Variants in KHDRBS2 observed in about 807,000 individuals in gnomAD.
KHDRBS2 encodes the protein KH domain-containing, RNA-binding, signal transduction-associated protein 2.
Under a neutral mutation model 44.3 loss-of-function variants are expected in KHDRBS2, and 26 were observed. That is an observed-to-expected ratio of 0.59 (90% confidence interval 0.43 to 0.81). The LOEUF is 0.81. Among genes scored for constraint, KHDRBS2 ranks in the 40% least tolerant of loss-of-function variants. The pLI is 0.00. For missense variants in KHDRBS2, 476 were observed against 433.1 expected, an observed-to-expected ratio of 1.10 and a Z score of -0.88; for synonymous variants, 194 against 151.1, an observed-to-expected ratio of 1.28 and a Z score of -2.08.
intron 1 of KHDRBS2, among the ~76,000 whole-genome samples, chr6:62,194,113 TA>T (rs1464683354): frequency 6.6e-6 from 1 of 152,144 alleles, no homozygotes; most frequent in Non-Finnish European, 1.5e-5. Flanking sequence ...CTTTGCCATT[TA>T]ACTTTCGTGT....
intron 1 of KHDRBS2, among the ~76,000 whole-genome samples, chr6:62,280,415 A>T (rs1841637909): frequency 6.6e-6 from 1 of 152,174 alleles, no homozygotes; most frequent in South Asian, 2.1e-4. Flanking sequence ...TGCCCAGAAG[A>T]CAAGGAAGAT....
the KHDRBS2 span, among the ~76,000 whole-genome samples, chr6:61,669,123 C>T: frequency 6.6e-6 from 1 of 151,108 alleles, no homozygotes; most frequent in African/African-American, 2.4e-5. Flanking sequence ...GCATAATATA[C>T]ATGATGATTA....
At chr6:61,893,652 A>C (rs1246603101) in intron 6 of KHDRBS2, among the ~76,000 whole-genome samples, 3 of 152,156 alleles carry the variant, frequency 2.0e-5, no homozygotes, top group African/African-American at 7.2e-5. Flanking sequence ...CGCAAAGACA[A>C]AAAACCAAAC....
intron 6 of KHDRBS2, among the ~76,000 whole-genome samples, chr6:61,781,199 A>G (rs189733597): frequency 1.3e-5 from 2 of 152,114 alleles, no homozygotes; most frequent in Non-Finnish European, 2.9e-5. Flanking sequence ...AAATGCCACA[A>G]TTATATTAAT....
At chr6:61,848,939 G>GA (rs1313276226) in intron 6 of KHDRBS2, among the ~76,000 whole-genome samples, 1 of 151,768 alleles carries the variant, frequency 6.6e-6, no homozygotes, top group Non-Finnish European at 1.5e-5. Context: ...TTCGTTGCCG[G>GA]AAAAATTATC....
At chr6:61,599,682 G>A in the KHDRBS2 span, among the ~76,000 whole-genome samples, 1 of 152,184 alleles carries the variant, frequency 6.6e-6, no homozygotes, top group African/African-American at 2.4e-5. Context: ...AACAAGGGTT[G>A]AGACAACAGA....
At chr6:61,889,064 G>C (rs1353760671) in intron 6 of KHDRBS2, among the ~76,000 whole-genome samples, 2 of 151,482 alleles carry the variant, frequency 1.3e-5, no homozygotes, top group African/African-American at 4.9e-5. Flanking sequence ...GACTTCAAAG[G>C]GTCCATAACT....
intron 1 of KHDRBS2, among the ~76,000 whole-genome samples, chr6:62,186,426 CAA>C (rs1440249582): frequency 3.9e-5 from 6 of 151,966 alleles, no homozygotes; most frequent in Admixed American, 6.6e-5. Context: ...TCATTAAAAC[CAA>C]ACATCGTGAC....
intron 2 of KHDRBS2, among the ~76,000 whole-genome samples, chr6:62,073,554 T>C (rs545147725): frequency 5.7e-4 from 86 of 150,538 alleles, no homozygotes; most frequent in African/African-American, 2.0e-3. Flanking sequence ...TTGTTTTATT[T>C]TCTATTTCCC....
At chr6:61,605,253 C>T in the KHDRBS2 span, among the ~76,000 whole-genome samples, 1 of 152,144 alleles carries the variant, frequency 6.6e-6, no homozygotes, top group Non-Finnish European at 1.5e-5. Context: ...GCCATCCCTA[C>T]TATTTTCTGT....
chr6:61,920,830 C>A (rs1421526782), intron 4 of KHDRBS2, among the ~76,000 whole-genome samples: 2 of 151,746 alleles, frequency 1.3e-5, no homozygotes, highest in African/African-American at 4.8e-5. Context: ...AAAATACTGA[C>A]TCAAGTGAAG....
chr6:61,552,770 T>C, the KHDRBS2 span, among the ~76,000 whole-genome samples: 1 of 152,136 alleles, frequency 6.6e-6, no homozygotes, highest in Non-Finnish European at 1.5e-5. Flanking sequence ...TGGTTTTTGT[T>C]TTCAATTCTG....
rs574318463 is a variant in KHDRBS2 at position 61,804,322 on chromosome 6, GGCCTTGGACA to G, written c.811-71568_811-71559del. The stretch of plus-strand genomic sequence containing the variant: ...GATGATGCAAGAGGTAGGTTCCCAT[GGCCTTGGACA>G]GCCCCATCCCTGTGGCTTTGCAGGG... On this transcript the variant is annotated intron_variant, in intron 6 of 8. Transcript: ENST00000281156. Among the ~76,000 whole-genome samples, 277 of 152,248 alleles carry G rather than the reference GGCCTTGGACA, an allele frequency of 1.8e-3. 1 individual carries two copies. The highest frequency in any genetic ancestry group is 6.2e-3 in the African/African-American group (257 of 41,558).
chr6:61,548,438 T>C, the KHDRBS2 span, among the ~76,000 whole-genome samples: 6 of 152,246 alleles, frequency 3.9e-5, no homozygotes, highest in South Asian at 1.0e-3. Flanking sequence ...AAGTCTAGGA[T>C]GAGGCCTGAG....
the KHDRBS2 span, among the ~76,000 whole-genome samples, chr6:61,673,098 T>C: frequency 6.6e-6 from 1 of 151,918 alleles, no homozygotes; most frequent in African/African-American, 2.4e-5. Flanking sequence ...ATTTATTAAA[T>C]AGGGAATCCT....
intron 7 of KHDRBS2, among the ~76,000 whole-genome samples, chr6:61,720,767 A>C (rs1772333062): frequency 6.6e-6 from 1 of 151,614 alleles, no homozygotes; most frequent in Non-Finnish European, 1.5e-5. Context: ...TGCTGTGCAG[A>C]AGCTCTTTAG....
intron 2 of KHDRBS2, among the ~76,000 whole-genome samples, chr6:62,071,176 T>C (rs982451850): frequency 5.3e-5 from 8 of 152,176 alleles, no homozygotes; most frequent in African/African-American, 1.9e-4. Context: ...CGCCCACTTG[T>C]TGATGGGGTT....
At chr6:61,649,834 GTCT>G in the KHDRBS2 span, among the ~76,000 whole-genome samples, 10 of 152,096 alleles carry the variant, frequency 6.6e-5, no homozygotes, top group African/African-American at 2.4e-4. Context: ...CTGCTAGATT[GTCT>G]TCTTATTTTG....
At chr6:61,721,079 A>C (rs1326343116) in intron 7 of KHDRBS2, among the ~76,000 whole-genome samples, 1 of 151,764 alleles carries the variant, frequency 6.6e-6, no homozygotes, top group Non-Finnish European at 1.5e-5. Flanking sequence ...GTCAAAGATC[A>C]GATAGTTGTG....
Sources: gnomAD v4.1 joint callset for allele counts (sites outside exome capture counted in the v4.1 genomes callset) on GRCh38, gnomAD v4.1.1 for gene constraint, MANE v1.5 for transcripts, NCBI Gene and HGNC (gene_info 2026-07-23, HGNC 2026-07-21) for gene names.